MICU1: variants seen among roughly 807,000 people sequenced by gnomAD.
MICU1 encodes mitochondrial calcium uptake 1.
Under a neutral mutation model 56.8 loss-of-function variants are expected in MICU1, and 45 were observed. The observed-to-expected ratio is 0.79, with a 90% CI of 0.62 to 1.02. MICU1 has a LOEUF of 1.02. MICU1 is among the 50% of genes least tolerant of loss of function. The probability of loss-of-function intolerance (pLI) is 0.00; values close to 1 mark genes in which losing one functional copy is unlikely to be tolerated. For missense variants in MICU1, 504 were observed against 587.1 expected (o/e 0.86, Z 1.46); for synonymous variants, 186 against 195.1 (o/e 0.95, Z 0.39).
At chr10:72,570,848 C>T (rs1589353294) in intron 1 of MICU1, among the ~76,000 whole-genome samples, 1 of 152,204 alleles carries the variant, frequency 6.6e-6, no homozygotes, top group East Asian at 1.9e-4. Flanking sequence ...ATATTTTCTT[C>T]CTGTCTGGCA....
chr10:72,474,513 C>CT (rs1866052637), intron 8 of MICU1, among the ~76,000 whole-genome samples: 1 of 152,074 alleles, frequency 6.6e-6, no homozygotes, highest in Non-Finnish European at 1.5e-5. Flanking sequence ...CTTTGCAACT[C>CT]TCAGCAACAT....
chr10:72,435,195 G>T (rs960043244), intron 8 of MICU1, among the ~76,000 whole-genome samples: 2 of 151,842 alleles, frequency 1.3e-5, no homozygotes, highest in African/African-American at 4.8e-5. Flanking sequence ...TTCGAGAGCA[G>T]CCTGGGCAGC....
chr10:72,602,923 T>C (rs1184948997), intron 1 of MICU1, among the ~76,000 whole-genome samples: 13 of 152,060 alleles, frequency 8.5e-5, no homozygotes, highest in Admixed American at 7.2e-4. Flanking sequence ...CTGGCTAACA[T>C]GGTGAAACAC....
chr10:72,517,123 C>T (rs1051983691), intron 5 of MICU1, among the ~76,000 whole-genome samples: 5 of 152,200 alleles, frequency 3.3e-5, no homozygotes, highest in East Asian at 3.9e-4. Flanking sequence ...CTAGGAAGAA[C>T]ATCAAATAAA....
chr10:72,412,160 T>C (rs1332743966), intron 9 of MICU1, among the ~76,000 whole-genome samples: 1 of 152,092 alleles, frequency 6.6e-6, no homozygotes, highest in Non-Finnish European at 1.5e-5. Context: ...ATGGTAAAAA[T>C]CCAGAGGGCT....
intron 1 of MICU1, among the ~76,000 whole-genome samples, chr10:72,619,162 T>C (rs751338214): frequency 6.6e-6 from 1 of 151,132 alleles, no homozygotes; most frequent in African/African-American, 2.5e-5. Flanking sequence ...AATGAAATAT[T>C]AGCCAGGCCC....
chr10:72,585,929 T>G (rs1018062145), intron 1 of MICU1, among the ~76,000 whole-genome samples: 2 of 151,590 alleles, frequency 1.3e-5, no homozygotes, highest in African/African-American at 4.8e-5. Flanking sequence ...ACAATGTAAA[T>G]ACTACGTAAA....
chr10:72,538,071 T>G (rs1839680289), intron 4 of MICU1, among the ~76,000 whole-genome samples: 1 of 152,150 alleles, frequency 6.6e-6, no homozygotes, highest in Non-Finnish European at 1.5e-5. Context: ...TTTCTTTCAG[T>G]TGTCACTAGT....
chr10:72,550,467 C>T (rs1041387107), intron 4 of MICU1, among the ~76,000 whole-genome samples: 1 of 152,068 alleles, frequency 6.6e-6, no homozygotes. Context: ...TTAAGTGGCC[C>T]GTGACGGTAC....
At chr10:72,593,766 C>T (rs1327432435) in intron 1 of MICU1, among the ~76,000 whole-genome samples, 1 of 152,118 alleles carries the variant, frequency 6.6e-6, no homozygotes, top group Non-Finnish European at 1.5e-5. Context: ...AAAAACAATT[C>T]CGTTTACAAT....
intron 1 of MICU1, among the ~76,000 whole-genome samples, chr10:72,600,361 A>G (rs1564956419): frequency 6.6e-6 from 1 of 150,840 alleles, no homozygotes; most frequent in Non-Finnish European, 1.5e-5. Flanking sequence ...GGAAAGAAAA[A>G]TTTATGGCCA....
intron 8 of MICU1, among the ~76,000 whole-genome samples, chr10:72,474,258 C>CAAAAAA (rs55978543): frequency 1.3e-3 from 76 of 60,720 alleles, no homozygotes; most frequent in Non-Finnish European, 1.8e-3. Context: ...AGGACTGTCT[C>CAAAAAA]AAAAAAAAAA....
At chr10:72,500,268 A>ATATATATATATATATT (rs1866985410) in intron 6 of MICU1, among the ~76,000 whole-genome samples, 1 of 10,320 alleles carries the variant, frequency 9.7e-5, no homozygotes, top group African/African-American at 1.9e-4. Flanking sequence ...ATACATATAT[A>ATATATATATATATATT]TATATATATA....
At chr10:72,508,313 T>TCTG in intron 5 of MICU1, 44 bp from the exon 6 acceptor site, 2 of 770,142 alleles carry the variant, frequency 2.6e-6, no homozygotes, top group South Asian at 2.5e-5. Flanking sequence ...AATATATAAG[T>TCTG]GAATTAGAAT....
chr10:72,593,288 A>G (rs1446569617), intron 1 of MICU1, among the ~76,000 whole-genome samples: 1 of 152,128 alleles, frequency 6.6e-6, no homozygotes, highest in African/African-American at 2.4e-5. Context: ...TAGCAAGACC[A>G]ATTAGGGAGG....
intron 6 of MICU1, among the ~76,000 whole-genome samples, chr10:72,484,201 G>C (rs955486963): frequency 2.0e-5 from 3 of 152,106 alleles, no homozygotes; most frequent in Non-Finnish European, 4.4e-5. Context: ...TGTGCAATTT[G>C]AAATGATAAA....
intron 1 of MICU1, among the ~76,000 whole-genome samples, chr10:72,612,011 C>CAAAA (rs55767300): frequency 1.1e-4 from 13 of 119,934 alleles, no homozygotes; most frequent in African/African-American, 4.0e-4. Context: ...ACCAACCAAC[C>CAAAA]AAAAAAAAAA....
At chr10:72,436,259 C>T (rs1044963722) in intron 8 of MICU1, among the ~76,000 whole-genome samples, 1 of 152,200 alleles carries the variant, frequency 6.6e-6, no homozygotes, top group African/African-American at 2.4e-5. Flanking sequence ...ACTGGTGATA[C>T]CCAGGCAAAC....
chr10:72,404,411 T>C (rs1425142766), intron 10 of MICU1, among the ~76,000 whole-genome samples: 1 of 152,142 alleles, frequency 6.6e-6, no homozygotes, highest in Non-Finnish European at 1.5e-5. Context: ...AGTGAAGGAA[T>C]AAGTAACAAA....
Sources: allele counts gnomAD v4.1 joint callset (sites outside exome capture counted in the v4.1 genomes callset), GRCh38; gene constraint gnomAD v4.1.1; transcripts MANE v1.5; gene names NCBI Gene and HGNC (gene_info 2026-07-23, HGNC 2026-07-21).